The following SLC14A1 variants were observed in gnomAD, a reference collection of about 807,000 sequenced individuals.
SLC14A1 encodes urea transporter 1.
SLC14A1 carries 36 observed loss-of-function variants against 39.6 expected under a neutral mutation model. That is an observed-to-expected ratio of 0.91 (90% CI 0.70 to 1.20). The LOEUF is 1.20. SLC14A1 is among the 50% of genes most tolerant of loss of function. SLC14A1 has a pLI of 0.00. For missense variants in SLC14A1, 469 were observed against 478.7 expected (o/e 0.98, Z 0.19); for synonymous variants, 164 against 173.6 (o/e 0.94, Z 0.43).
intron 6 of SLC14A1, chr18:45,737,620 T>A (rs927793873): frequency 1.3e-5 from 2 of 152,028 alleles, no homozygotes; most frequent in African/African-American, 4.8e-5. Flanking sequence ...AAGGAAAAAA[T>A]CAAAGATTCA....
chr18:45,727,565 T>C (rs547020799), intron 2 of SLC14A1: 5 of 1,010,214 alleles, frequency 4.9e-6, no homozygotes, highest in East Asian at 2.6e-5. Context: ...AAAAGCCCCA[T>C]GGCGCTCACC....
intron 8 of SLC14A1, 56 bp from the exon 9 acceptor site, chr18:45,748,320 G>A (rs2047608621): frequency 6.4e-7 from 1 of 1,568,650 alleles, no homozygotes; most frequent in Non-Finnish European, 8.8e-7. Flanking sequence ...AGCCTTTCCT[G>A]TGATTAAAAG....
intron 4 of SLC14A1, 92 bp from the exon 5 acceptor site, chr18:45,734,182 G>C (rs1365473441): frequency 1.4e-6 from 2 of 1,469,006 alleles, no homozygotes; most frequent in Non-Finnish European, 1.9e-6. Context: ...TTTTTAATAT[G>C]AATATGATCT....
intron 2 of SLC14A1, among the ~76,000 whole-genome samples, chr18:45,725,453 G>A (rs1222069730): frequency 6.6e-6 from 1 of 152,180 alleles, no homozygotes; most frequent in Non-Finnish European, 1.5e-5. Context: ...GTTTGTCAGA[G>A]AGTAACTGCT....
intron 2 of SLC14A1, among the ~76,000 whole-genome samples, chr18:45,727,818 T>C (rs551072145): frequency 1.3e-5 from 2 of 152,374 alleles, no homozygotes; most frequent in South Asian, 4.1e-4. Flanking sequence ...GTAAGGACTC[T>C]TAAAGTTCCC....
chr18:45,727,454 C>T (rs892658810), intron 2 of SLC14A1: 2 of 1,520,886 alleles, frequency 1.3e-6, no homozygotes, highest in East Asian at 5.0e-5. Context: ...GCTCGGGGAA[C>T]CTGGGAGCCT....
At chr18:45,730,178 T>C (rs2046985869) in intron 2 of SLC14A1, 122 bp from the exon 3 acceptor site, 9 of 1,037,846 alleles carry the variant, frequency 8.7e-6, no homozygotes, top group Middle Eastern at 3.2e-4. Context: ...AGAAGGAAAA[T>C]GGTGCTCTCT....
chr18:45,749,907 T>C lies in SLC14A1; in HGVS notation c.1126T>C (p.Phe376Leu), dbSNP rs772420027. The C allele has an allele frequency of 6.2e-7, 1 of 1,614,166 alleles. No homozygotes were observed. The highest frequency in any genetic ancestry group is 1.1e-5 in the South Asian group (1 of 91,086). Residue 376 changes from phenylalanine to leucine, a missense_variant, in exon 10 of 10, where the codon TTC becomes CTC. Physicochemically the swap from Phe to Leu is conservative, Grantham distance 22 (BLOSUM62 0). Transcript: ENST00000321925. ...KVTYPEENRIFYLQAKKRMVE... is the reference protein window; with the variant it reads ...KVTYPEENRILYLQAKKRMVE... ...TACTTATCCTGAAGAAAACCGCATCTTCTACCTGCAAGCCAAGAAAAGAAT... is the reference window on the plus strand; with the variant it reads ...TACTTATCCTGAAGAAAACCGCATCCTCTACCTGCAAGCCAAGAAAAGAAT...
chr18:45,750,780 A>T lies in SLC14A1; in HGVS notation c.*829A>T. ...AAGTTACTTACTGTATTTATGAAAT[A>T]CTCAGCTTAGGCATTTTTACTTTAA... On this transcript the variant is annotated 3_prime_UTR_variant, in exon 10 of 10. Transcript: ENST00000321925. The T allele has an allele frequency of 1.0e-6, 1 of 985,130 alleles. No homozygotes were observed. The highest frequency in any genetic ancestry group is 1.2e-6 in the Non-Finnish European group (1 of 829,694). 61.0% of individuals were successfully genotyped at this position (985,130 alleles called of 1,614,324 possible).
chr18:45,750,081 T>A lies in SLC14A1; in HGVS notation c.*130T>A. The A allele has an allele frequency of 6.3e-7, 1 of 1,581,746 alleles. No homozygotes were observed. Among genetic ancestry groups the A allele is most frequent in the Non-Finnish European group, 8.5e-7 (1 of 1,169,662 alleles). ...TCATACTGACGCGTCTGTAATCTGTTCTTATGCTCATTTTGTATTTTCCTT... is the reference window on the plus strand; with the variant it reads ...TCATACTGACGCGTCTGTAATCTGTACTTATGCTCATTTTGTATTTTCCTT... On this transcript the variant is annotated 3_prime_UTR_variant, in exon 10 of 10. Coordinates refer to ENST00000321925, the MANE Select transcript of SLC14A1 (RefSeq NM_015865.7).
At chr18:45,726,564 G>T (rs886795492) in intron 2 of SLC14A1, among the ~76,000 whole-genome samples, 1 of 152,140 alleles carries the variant, frequency 6.6e-6, no homozygotes, top group South Asian at 2.1e-4. Context: ...GGAGGCTAAG[G>T]TGGGAGGATC....
At chr18:45,746,133 C>T (rs1193428697) in intron 8 of SLC14A1, among the ~76,000 whole-genome samples, 2 of 152,220 alleles carry the variant, frequency 1.3e-5, no homozygotes, top group Non-Finnish European at 2.9e-5. Flanking sequence ...AGAGTGTAAA[C>T]ATATTGTGTA....
At position 45,750,227 on chromosome 18, in the gene SLC14A1, G is replaced by A; in HGVS notation, c.*276G>A. ...ACTGGAATGTATATAAAGTCAAAGT[G>A]CTCCAACAGAAGGAGGAAGTGAAAA... On this transcript the variant is annotated 3_prime_UTR_variant, in exon 10 of 10. Transcript: ENST00000321925. 1.5e-6 allele frequency: 2 copies of A among 1,362,320 alleles called. No individual in the cohort carries two copies. The highest frequency in any genetic ancestry group is 3.2e-5 in the Admixed American group (1 of 31,628). The allele number at this position is 1,362,320 out of a possible 1,614,324, so 84.4% of individuals were successfully genotyped here. A position where few individuals can be genotyped will look rare whatever the true frequency, so the allele number is the denominator to read the frequency against.
At chr18:45,743,163 C>G (rs1431256659) in intron 8 of SLC14A1, among the ~76,000 whole-genome samples, 3 of 152,198 alleles carry the variant, frequency 2.0e-5, no homozygotes, top group Admixed American at 2.0e-4. Context: ...AGTGGAAATA[C>G]TCCATCTTAC....
At position 45,736,504 on chromosome 18, in the gene SLC14A1, C is replaced by A; in HGVS notation, c.519C>A (p.Leu173=). The A allele has an allele frequency of 1.2e-6, 2 of 1,614,028 alleles. No individual in the cohort carries two copies. The highest frequency in any genetic ancestry group is 1.7e-6 in the Non-Finnish European group (2 of 1,179,884). The change falls in exon 6 of 10, where the codon CTC becomes CTA. Residue 173 remains leucine (L), a synonymous_variant. Transcript: ENST00000321925. ...ATTCCATGCTCAGCAAATGGGACCTCCCCGTCTTCACCCTCCCTTTCAACA... is the reference window on the plus strand; with the variant it reads ...ATTCCATGCTCAGCAAATGGGACCTACCCGTCTTCACCCTCCCTTTCAACA... ...ALNSMLSKWD[L]PVFTLPFNMA...
rs537306174 is a variant in SLC14A1, at chr18:45,737,039, C to T, written c.663+391C>T. On this transcript the variant is annotated intron_variant, in intron 6 of 9. Transcript: ENST00000321925. The stretch of plus-strand genomic sequence containing the variant: ...CCAATCAAAAAACTGGATGCTTACT[C>T]TTAGAGCTTCTGACAGAACCTCTCT... 1.7e-3 allele frequency among the ~76,000 whole-genome samples: 252 copies of T among 152,342 alleles called. 1 individual carries two copies. In the Middle Eastern group the frequency reaches 0.02, roughly 12 times the overall value.
At chr18:45,726,577 T>C (rs1191539130) in intron 2 of SLC14A1, 3 of 152,142 alleles carry the variant, frequency 2.0e-5, no homozygotes, top group African/African-American at 7.2e-5. Context: ...GGAGGATCAC[T>C]TGAGGCCAGG....
chr18:45,727,141 C>T, intron 2 of SLC14A1: 1 of 903,586 alleles, frequency 1.1e-6, no homozygotes, highest in Non-Finnish European at 1.7e-6. Context: ...CCACATCTTC[C>T]CTCACCAGGA....
chr18:45,742,284 C>A (rs1278742860), intron 8 of SLC14A1, among the ~76,000 whole-genome samples: 3 of 151,306 alleles, frequency 2.0e-5, no homozygotes, highest in South Asian at 4.2e-4. Context: ...AAGGAGAAGG[C>A]ATTTTGAGCA....
Sources: allele counts gnomAD v4.1 joint callset (sites outside exome capture counted in the v4.1 genomes callset), GRCh38; gene constraint gnomAD v4.1.1; transcripts MANE v1.5; gene names NCBI Gene and HGNC (gene_info 2026-07-23, HGNC 2026-07-21).